The following WDR37 variants were observed in gnomAD, a reference collection of about 807,000 sequenced individuals.
WDR37 encodes the protein WD repeat-containing protein 37.
WDR37 carries 19 observed loss-of-function variants against 62.9 expected under a neutral mutation model. The observed-to-expected ratio is 0.30, with a 90% confidence interval of 0.21 to 0.44. The LOEUF (loss-of-function observed/expected upper bound fraction) is 0.44, where lower values mean the gene tolerates loss of function less well. WDR37 is among the 20% of genes least tolerant of loss of function. The pLI is 1.00. For synonymous variants in WDR37, 250 were observed against 260.9 expected (o/e 0.96, Z 0.40); for missense variants, 474 against 657.6 (o/e 0.72, Z 3.05).
At chr10:1,112,735 C>T (rs1052334120) in intron 11 of WDR37, among the ~76,000 whole-genome samples, 8 of 152,238 alleles carry the variant, frequency 5.3e-5, no homozygotes, top group African/African-American at 1.9e-4. Flanking sequence ...CCACAACATT[C>T]CCTTTAGCCA....
intron 1 of WDR37, among the ~76,000 whole-genome samples, chr10:1,069,009 A>G (rs1454123633): frequency 2.0e-5 from 3 of 152,040 alleles, no homozygotes. Context: ...ATGGAGAGAA[A>G]GTAAATTAGT....
At chr10:1,059,215 A>G (rs866340458) in intron 1 of WDR37, among the ~76,000 whole-genome samples, 4 of 152,060 alleles carry the variant, frequency 2.6e-5, no homozygotes, top group Admixed American at 1.3e-4. Context: ...GTCTCTACTA[A>G]AAATACAAAA....
chr10:1,073,007 T>G (rs914984498), intron 2 of WDR37, among the ~76,000 whole-genome samples: 3 of 152,214 alleles, frequency 2.0e-5, no homozygotes, highest in African/African-American at 4.8e-5. Context: ...TTGCTTAGGT[T>G]TATCCTTGTC....
rs763056265 is a variant in WDR37 at position 1,105,176 on chromosome 10, G to A, written c.1012G>A (p.Val338Met). The A allele has an allele frequency of 4.3e-6, 7 of 1,613,850 alleles. No homozygotes were observed. Among genetic ancestry groups the A allele is most frequent in the African/African-American group, 2.7e-5 (2 of 74,886 alleles). Residue 338 changes from valine to methionine, a missense_variant, in exon 11 of 14, where the codon GTG (valine) becomes ATG (methionine). By Grantham distance (21) the Val-to-Met change is conservative. Coordinates refer to ENST00000263150, the MANE Select transcript of WDR37 (RefSeq NM_014023.4). This position sits in a 1 kb window ranked among gnomAD's most constrained non-coding sequence, Gnocchi z 5.3. ...HCCTHPTQRLVVTSSRDTTFR... is the reference protein window; with the variant it reads ...HCCTHPTQRLMVTSSRDTTFR... ...CTGCACACACCCCACCCAGCGGCTC[G>A]TGGTGACCTCCTCCCGTGACACGAC...
At chr10:1,110,429 G>T (rs975576149) in intron 11 of WDR37, among the ~76,000 whole-genome samples, 3 of 152,200 alleles carry the variant, frequency 2.0e-5, no homozygotes, top group Admixed American at 6.5e-5. Context: ...TTTGTCTCCG[G>T]CATGGGTTTT....
intron 11 of WDR37, among the ~76,000 whole-genome samples, chr10:1,122,645 C>T (rs1004773440): frequency 2.0e-5 from 3 of 152,258 alleles, no homozygotes; most frequent in Admixed American, 1.3e-4. Flanking sequence ...GTTTTTATCA[C>T]ATTCTTTTTA....
chr10:1,081,266 A>T (rs1834020076), intron 5 of WDR37, among the ~76,000 whole-genome samples: 1 of 152,128 alleles, frequency 6.6e-6, no homozygotes, highest in African/African-American at 2.4e-5. Flanking sequence ...GAAAGGGTTT[A>T]ATTGTTTGGG....
chr10:1,113,529 A>G (rs953680591), intron 11 of WDR37, among the ~76,000 whole-genome samples: 15 of 152,208 alleles, frequency 9.9e-5, no homozygotes, highest in Non-Finnish European at 2.2e-4. Flanking sequence ...GGCAACGTCA[A>G]TTGAGCACCT....
chr10:1,094,361 T>C (rs1017738537), intron 8 of WDR37, among the ~76,000 whole-genome samples: 5 of 152,186 alleles, frequency 3.3e-5, no homozygotes, highest in African/African-American at 1.2e-4. Context: ...GAGGTTGAGA[T>C]GACTGGCCCC....
Position 1,090,149 on chromosome 10 carries a change from A to T in WDR37, c.605-3303A>T, listed in dbSNP as rs563193928. ...GCCTGGCTAAATTTTGTATTTTTTTAAAATTTATTTTTAATTAATTTATTT... is the reference window on the plus strand; with the variant it reads ...GCCTGGCTAAATTTTGTATTTTTTTTAAATTTATTTTTAATTAATTTATTT... On this transcript the variant is annotated intron_variant, in intron 7 of 13. Coordinates refer to ENST00000263150, the MANE Select transcript of WDR37 (RefSeq NM_014023.4). Among the ~76,000 whole-genome samples, 9 of 151,162 alleles carry T rather than the reference A, an allele frequency of 6.0e-5. No individual in the cohort carries two copies. In the South Asian group the frequency reaches 6.3e-4, roughly 11 times the overall value.
chr10:1,100,749 C>T (rs377509613), intron 9 of WDR37, among the ~76,000 whole-genome samples: 50 of 152,304 alleles, frequency 3.3e-4, no homozygotes, highest in African/African-American at 1.1e-3. Context: ...GGGTTCACCC[C>T]GTGGCTGCTC....
At position 1,124,172 on chromosome 10, in the gene WDR37, G is replaced by A. The variant is rs538090618; in HGVS notation, c.1104-46G>A. On this transcript the variant is annotated intron_variant, in intron 11 of 13. Transcript: ENST00000263150. The stretch of plus-strand genomic sequence containing the variant: ...GGTTGTGTGTGGGGTGTGGTGTCAC[G>A]TCCTGCACCTGCTGTTGCATCTGAC... 101 of 1,611,898 alleles carry A rather than the reference G, an allele frequency of 6.3e-5. 1 individual carries two copies. In the South Asian group the frequency reaches 8.7e-4, roughly 14 times the overall value.
At chr10:1,100,052 A>G (rs1180717401) in intron 9 of WDR37, among the ~76,000 whole-genome samples, 1 of 152,256 alleles carries the variant, frequency 6.6e-6, no homozygotes, top group African/African-American at 2.4e-5. Flanking sequence ...ATAAAATAAG[A>G]AAAACACTAA....
In WDR37 at chr10:1,131,907, G is replaced by A. The variant is rs1220565030; in HGVS notation, c.*2563G>A. 6.6e-6 allele frequency: 1 copy of A among 152,636 alleles called. No homozygotes were observed. Among genetic ancestry groups the A allele is most frequent in the East Asian group, 1.9e-4 (1 of 5,196 alleles). 9.5% of individuals were successfully genotyped at this position (152,636 alleles called of 1,614,324 possible). ...CATAAGAGCCATGCTGTTGGGCAAA[G>A]CAACTCTTTTTCAACCACTGCTCAT... On this transcript the variant is annotated 3_prime_UTR_variant, in exon 14 of 14. Transcript: ENST00000263150.
intron 1 of WDR37, among the ~76,000 whole-genome samples, chr10:1,061,854 T>A (rs1833381095): frequency 1.5e-5 from 2 of 137,680 alleles, no homozygotes; most frequent in Admixed American, 7.2e-5. Context: ...AAAAAAAAAA[T>A]TACCTTCAGG....
At chr10:1,115,108 T>C (rs1392062096) in intron 11 of WDR37, among the ~76,000 whole-genome samples, 1 of 151,942 alleles carries the variant, frequency 6.6e-6, no homozygotes, top group East Asian at 1.9e-4. Flanking sequence ...CCATTAAGCC[T>C]CCTCTGTGGG....
chr10:1,095,898 T>C (rs1394171725), intron 8 of WDR37, among the ~76,000 whole-genome samples: 1 of 152,234 alleles, frequency 6.6e-6, no homozygotes, highest in Non-Finnish European at 1.5e-5. Context: ...TTTGTACATT[T>C]TCTCTGAACT....
intron 7 of WDR37, among the ~76,000 whole-genome samples, chr10:1,087,945 T>A (rs1201138476): frequency 6.6e-6 from 1 of 152,244 alleles, no homozygotes; most frequent in Non-Finnish European, 1.5e-5. Context: ...TCTTCACCAA[T>A]GAGCTCAGCT....
intron 5 of WDR37, among the ~76,000 whole-genome samples, chr10:1,081,662 C>T (rs1211113883): frequency 6.6e-6 from 1 of 151,700 alleles, no homozygotes; most frequent in Non-Finnish European, 1.5e-5. Context: ...TTTTTTTGGC[C>T]ATGTAATGTC....
Sources: gnomAD v4.1 joint callset for allele counts (sites outside exome capture counted in the v4.1 genomes callset) on GRCh38, gnomAD v4.1.1 for gene constraint, Gnocchi (gnomAD v3.1) non-coding constraint, MANE v1.5 for transcripts, NCBI Gene and HGNC (gene_info 2026-07-23, HGNC 2026-07-21) for gene names.